The following PDE3A variants were observed in gnomAD, a reference collection of about 807,000 sequenced individuals.
PDE3A encodes the protein phosphodiesterase 3A.
In PDE3A, 43 loss-of-function variants were observed where a neutral mutation model predicts 98.3. The ratio of observed to expected loss-of-function variants is 0.44; its 90% CI spans 0.34 to 0.56. The LOEUF is 0.56. Among genes scored for constraint, PDE3A ranks in the 20% least tolerant of loss-of-function variants. PDE3A has a pLI of 0.01. For synonymous variants in PDE3A, 663 were observed against 567.9 expected (o/e 1.17, Z -2.38); for missense variants, 1,427 against 1,440.7 (o/e 0.99, Z 0.15).
At chr12:20,421,279 C>T (rs886508301) in intron 1 of PDE3A, among the ~76,000 whole-genome samples, 5 of 152,084 alleles carry the variant, frequency 3.3e-5, no homozygotes, top group Middle Eastern at 3.4e-3. Flanking sequence ...TATTTGCCAT[C>T]GTATAAATAA....
intron 1 of PDE3A, among the ~76,000 whole-genome samples, chr12:20,408,284 T>C (rs922029505): frequency 1.3e-5 from 2 of 152,190 alleles, no homozygotes; most frequent in South Asian, 4.1e-4. Flanking sequence ...ATTTTAGAAA[T>C]CTATAAGAGT....
chr12:20,473,752 T>C (rs1361862375), intron 1 of PDE3A, among the ~76,000 whole-genome samples: 1 of 152,142 alleles, frequency 6.6e-6, no homozygotes, highest in Non-Finnish European at 1.5e-5. Context: ...GTTTCTTCTT[T>C]GACTCATTTT....
At chr12:20,408,068 G>A (rs925879116) in intron 1 of PDE3A, among the ~76,000 whole-genome samples, 19 of 151,996 alleles carry the variant, frequency 1.3e-4, no homozygotes, top group East Asian at 3.9e-4. Flanking sequence ...CTACAGGTGC[G>A]CGCCACCACG....
intron 2 of PDE3A, among the ~76,000 whole-genome samples, chr12:20,576,473 A>G (rs571510648): frequency 6.6e-6 from 1 of 152,270 alleles, no homozygotes; most frequent in East Asian, 1.9e-4. Flanking sequence ...AAATAAAGAC[A>G]GTACTATATA....
chr12:20,474,789 A>T (rs972183956), intron 1 of PDE3A, among the ~76,000 whole-genome samples: 1 of 152,234 alleles, frequency 6.6e-6, no homozygotes, highest in East Asian at 1.9e-4. Flanking sequence ...ACTGGGGATT[A>T]TATTTAGGCT....
intron 1 of PDE3A, among the ~76,000 whole-genome samples, chr12:20,447,034 T>C (rs1451744528): frequency 6.6e-6 from 1 of 152,038 alleles, no homozygotes; most frequent in East Asian, 1.9e-4. Flanking sequence ...GCCAGACATA[T>C]TGAGGAGTGT....
At chr12:20,550,932 T>C (rs1273411677) in intron 1 of PDE3A, among the ~76,000 whole-genome samples, 1 of 151,476 alleles carries the variant, frequency 6.6e-6, no homozygotes, top group Non-Finnish European at 1.5e-5. Context: ...TACTGGATTT[T>C]TAGATCTTAG....
At chr12:20,518,821 G>T (rs4762967) in intron 1 of PDE3A, among the ~76,000 whole-genome samples, 6 of 152,192 alleles carry the variant, frequency 3.9e-5, no homozygotes, top group African/African-American at 1.4e-4. Flanking sequence ...ACTTAGATAG[G>T]ACTTTCTGTA....
At chr12:20,607,455 A>AAAAG (rs1357317589) in intron 2 of PDE3A, among the ~76,000 whole-genome samples, 1 of 151,802 alleles carries the variant, frequency 6.6e-6, no homozygotes, top group East Asian at 1.9e-4. Flanking sequence ...AAAAAAAGAA[A>AAAAG]AAAGAAAAAA....
chr12:20,611,823 A>C (rs1244569351), intron 2 of PDE3A, among the ~76,000 whole-genome samples: 1 of 151,834 alleles, frequency 6.6e-6, no homozygotes, highest in African/African-American at 2.4e-5. Context: ...AATATTTTCT[A>C]GACAATAATT....
At chr12:20,511,449 C>T (rs1592003608) in intron 1 of PDE3A, among the ~76,000 whole-genome samples, 1 of 140,034 alleles carries the variant, frequency 7.1e-6, no homozygotes, top group Non-Finnish European at 1.6e-5. Flanking sequence ...CACACACATA[C>T]ACACACACGA....
At chr12:20,574,727 TGATGCCCTTGGACCATA>T (rs1282389390) in intron 2 of PDE3A, among the ~76,000 whole-genome samples, 1 of 152,008 alleles carries the variant, frequency 6.6e-6, no homozygotes, top group Non-Finnish European at 1.5e-5. Context: ...ATGACTTACA[TGATGCCCTTGGACCATA>T]GAGGATCAAC....
intron 15 of PDE3A, among the ~76,000 whole-genome samples, chr12:20,667,417 T>A (rs1162704043): frequency 6.6e-6 from 1 of 152,200 alleles, no homozygotes; most frequent in East Asian, 1.9e-4. Flanking sequence ...TGGTCTTACT[T>A]AAGTCTTTAA....
Position 20,680,238 on chromosome 12 carries a change from C to T in PDE3A, c.3393C>T (p.Gly1131=), listed in dbSNP as rs765004148. 4.3e-6 allele frequency: 7 copies of T among 1,613,780 alleles called. No individual in the cohort carries two copies. Among genetic ancestry groups the T allele is most frequent in the Admixed American group, 1.7e-5 (1 of 59,980 alleles). Residue 1131 remains glycine, a synonymous_variant, in exon 16 of 16, where the codon GGC becomes GGT. Transcript: ENST00000359062. ...EEEEEKGKPR[G]EEIPTQKPDQ The stretch of plus-strand genomic sequence containing the variant: ...AAGAAGAGAAAGGGAAACCAAGAGG[C>T]GAGGAGATACCAACCCAAAAGCCAG...
chr12:20,657,870 G>C (rs1443382320), intron 15 of PDE3A, among the ~76,000 whole-genome samples: 1 of 152,162 alleles, frequency 6.6e-6, no homozygotes, highest in African/African-American at 2.4e-5. Context: ...GCTTTTGTTA[G>C]CTTCTTCCCT....
chr12:20,673,904 A>C (rs1490500192), intron 15 of PDE3A, among the ~76,000 whole-genome samples: 2 of 152,122 alleles, frequency 1.3e-5, no homozygotes, highest in Non-Finnish European at 2.9e-5. Context: ...GAATCCATAC[A>C]TTGCTTGGGT....
At chr12:20,526,186 G>A (rs1946514157) in intron 1 of PDE3A, among the ~76,000 whole-genome samples, 1 of 151,986 alleles carries the variant, frequency 6.6e-6, no homozygotes, top group Non-Finnish European at 1.5e-5. Flanking sequence ...TTTACACACT[G>A]GCTCATCTTC....
intron 2 of PDE3A, among the ~76,000 whole-genome samples, chr12:20,585,283 G>A (rs903150697): frequency 6.6e-6 from 1 of 152,172 alleles, no homozygotes; most frequent in African/African-American, 2.4e-5. Flanking sequence ...TCCAGATGAA[G>A]TCCTGTAATT....
intron 1 of PDE3A, among the ~76,000 whole-genome samples, chr12:20,487,662 A>T (rs71436821): frequency 0.22 from 30,004 of 133,900 alleles, 3,250 homozygotes; most frequent in Non-Finnish European, 0.25. Context: ...TAAGAAAAAA[A>T]AATAAATAAA....
Sources: gnomAD v4.1 joint callset for allele counts (sites outside exome capture counted in the v4.1 genomes callset) on GRCh38, gnomAD v4.1.1 for gene constraint, MANE v1.5 for transcripts, NCBI Gene and HGNC (gene_info 2026-07-23, HGNC 2026-07-21) for gene names.